PLOD1: variants seen among roughly 807,000 people sequenced by gnomAD.
The protein encoded by PLOD1 is lysine hydroxylase.
PLOD1 carries 70 observed loss-of-function variants against 94.7 expected under a neutral mutation model. That is an observed-to-expected ratio of 0.74 (90% CI 0.61 to 0.90). The LOEUF (loss-of-function observed/expected upper bound fraction) is 0.90. PLOD1 is among the 40% of genes least tolerant of loss of function. PLOD1 has a pLI of 0.00. For synonymous variants in PLOD1, 417 were observed against 400.2 expected, an observed-to-expected ratio of 1.04 and a Z score of -0.50; for missense variants, 905 against 972.7, an observed-to-expected ratio of 0.93 and a Z score of 0.93.
At chr1:11,949,995 G>T in intron 3 of PLOD1, 89 bp downstream of exon 3, 1 of 1,354,732 alleles carries the variant, frequency 7.4e-7, no homozygotes, top group Non-Finnish European at 1.1e-6. Flanking sequence ...CATCGGGGAA[G>T]AAGGGGGACC....
At chr1:11,964,852 T>G in intron 13 of PLOD1, 67 bp downstream of exon 13, 1 of 1,548,826 alleles carries the variant, frequency 6.5e-7, no homozygotes, top group Non-Finnish European at 8.9e-7. Flanking sequence ...GGCCTCCAGC[T>G]CTGACCCTCA....
chr1:11,945,946 T>C (rs1157866952), intron 1 of PLOD1, among the ~76,000 whole-genome samples: 1 of 152,108 alleles, frequency 6.6e-6, no homozygotes, highest in East Asian at 1.9e-4. Flanking sequence ...TGATCTCAAG[T>C]GATCTGCCTG....
At chr1:11,948,357 A>G (rs1645671741) in intron 2 of PLOD1, among the ~76,000 whole-genome samples, 1 of 152,156 alleles carries the variant, frequency 6.6e-6, no homozygotes. Context: ...GGGCCTCGGG[A>G]TCAGCATTTC....
Position 11,957,999 on chromosome 1 carries a change from ATGGCGAGATGGGTGATTC to A in PLOD1, c.843+60_843+77del. ...GACACGGGGGGCTCAGTCCCCTGAG[ATGGCGAGATGGGTGATTC>A]TGGAATAGACTCCATTGTCTTTGGT... On this transcript the variant is annotated intron_variant, in intron 8 of 18. Coordinates refer to ENST00000196061, the MANE Select transcript of PLOD1 (RefSeq NM_000302.4). The surrounding 1 kb of genome is among the most constrained non-coding windows in gnomAD (Gnocchi z 4.1). 1 of 1,069,446 alleles carries A rather than the reference ATGGCGAGATGGGTGATTC, an allele frequency of 9.4e-7. No homozygotes were observed. Among genetic ancestry groups the A allele is most frequent in the African/African-American group, 1.6e-5 (1 of 64,406 alleles). The allele number at this position is 1,069,446 out of a possible 1,614,324, so 66.2% of individuals were successfully genotyped here. A position where few individuals can be genotyped will look rare whatever the true frequency, so the allele number is the denominator to read the frequency against.
intron 11 of PLOD1, 146 bp from the exon 12 acceptor site, chr1:11,964,029 C>T (rs757837653): frequency 9.0e-5 from 79 of 879,940 alleles, no homozygotes; most frequent in African/African-American, 7.2e-4. Context: ...CCCGACACCC[C>T]GGCCAAGGCA....
intron 4 of PLOD1, 79 bp downstream of exon 4, chr1:11,950,599 C>T (rs1045736738): frequency 3.6e-5 from 48 of 1,333,492 alleles, no homozygotes; most frequent in Middle Eastern, 2.5e-4. Flanking sequence ...CCTTGTTTGA[C>T]GTGCAATCTG....
intron 4 of PLOD1, among the ~76,000 whole-genome samples, chr1:11,951,387 G>A (rs1156605210): frequency 2.0e-5 from 3 of 151,090 alleles, no homozygotes; most frequent in Admixed American, 1.3e-4. Flanking sequence ...CCAACATGGC[G>A]AAACCCCATC....
At chr1:11,954,465 G>A (rs1201160370) in intron 5 of PLOD1, 7 of 495,138 alleles carry the variant, frequency 1.4e-5, no homozygotes, top group Middle Eastern at 3.7e-4. Flanking sequence ...CAGCCTGGGT[G>A]ACAAGAGCGA....
chr1:11,959,744 A>C (rs1455965458), intron 9 of PLOD1, among the ~76,000 whole-genome samples: 1 of 148,206 alleles, frequency 6.7e-6, no homozygotes, highest in African/African-American at 2.5e-5. Flanking sequence ...CAGCCTCCCG[A>C]GTAGCTGGGA....
chr1:11,940,031 C>T (rs1403443025), intron 1 of PLOD1, among the ~76,000 whole-genome samples: 8 of 152,144 alleles, frequency 5.3e-5, no homozygotes, highest in Admixed American at 3.9e-4. Flanking sequence ...CCCCAAAGAC[C>T]GGGATTACAG....
intron 16 of PLOD1, 114 bp from the exon 17 acceptor site, chr1:11,970,556 A>G: frequency 1.1e-6 from 1 of 946,118 alleles, no homozygotes; most frequent in Non-Finnish European, 1.7e-6. Context: ...AAGCCTGTTC[A>G]GTTTTGTCAT....
rs2273289 is a variant in PLOD1 at position 11,958,233 on chromosome 1, T to C, written c.844-283T>C. ...ATCCCATGAACCTCATCCTCATTTA[T>C]GACTCACCTCGAACACCACGCCAGC... is the stretch of plus-strand genomic sequence containing the variant. On this transcript the variant is annotated intron_variant, in intron 8 of 18. Coordinates refer to ENST00000196061, the MANE Select transcript of PLOD1 (RefSeq NM_000302.4). The surrounding 1 kb of genome is among the most constrained non-coding windows in gnomAD (Gnocchi z 4.3). 0.25 allele frequency among the ~76,000 whole-genome samples: 37,331 copies of C among 151,644 alleles called. 6,472 individuals carry two copies. Among genetic ancestry groups the C allele is most frequent in the African/African-American group, 0.5 (20,448 of 41,222 alleles).
chr1:11,964,865 G>T (rs1469403605), intron 13 of PLOD1, 80 bp downstream of exon 13: 8 of 1,478,422 alleles, frequency 5.4e-6, no homozygotes, highest in African/African-American at 1.4e-5. Flanking sequence ...GACCCTCATG[G>T]TGGGCCGCCT....
intron 16 of PLOD1, among the ~76,000 whole-genome samples, chr1:11,968,878 G>A (rs1323133819): frequency 2.8e-5 from 4 of 143,890 alleles, no homozygotes; most frequent in Admixed American, 7.2e-5. Context: ...GCCTCGCTCT[G>A]TCGCCCAGGC....
intron 18 of PLOD1, among the ~76,000 whole-genome samples, chr1:11,974,136 G>A (rs796866137): frequency 5.3e-5 from 8 of 152,046 alleles, no homozygotes; most frequent in African/African-American, 1.9e-4. Flanking sequence ...AGTAAAGAGT[G>A]GAGGTGATGT....
chr1:11,974,905 C>A lies in PLOD1; in HGVS notation c.*97C>A. 1.7e-6 allele frequency: 2 copies of A among 1,200,240 alleles called. No homozygotes were observed. The highest frequency in any genetic ancestry group is 2.5e-6 in the Non-Finnish European group (2 of 803,110). 74.3% of individuals were successfully genotyped at this position (1,200,240 alleles called of 1,614,324 possible). ...GGGGTCCCAGGGAACCCAGTCCAGC[C>A]TCCTGGCTGTTGACTTCCCATTGCT... On this transcript the variant is annotated 3_prime_UTR_variant, in exon 19 of 19. Transcript: ENST00000196061.
At position 11,972,351 on chromosome 1, in the gene PLOD1, A is replaced by G. The variant is rs1645872104; in HGVS notation, c.1903-521A>G. ...ACTACAATCTCCGCCTCCCAGATTCAAGCGATTCTCCGGCCTCAGCCTCCC... is the reference window on the plus strand; with the variant it reads ...ACTACAATCTCCGCCTCCCAGATTCGAGCGATTCTCCGGCCTCAGCCTCCC... On this transcript the variant is annotated intron_variant, in intron 17 of 18. Coordinates refer to ENST00000196061, the MANE Select transcript of PLOD1 (RefSeq NM_000302.4). This position sits in a 1 kb window ranked among gnomAD's most constrained non-coding sequence, Gnocchi z 4.6. 1 of 159,426 alleles carries G rather than the reference A, an allele frequency of 6.3e-6. No individual in the cohort carries two copies. The highest frequency in any genetic ancestry group is 2.4e-5 in the African/African-American group (1 of 41,534). 9.9% of individuals were successfully genotyped at this position (159,426 alleles called of 1,614,324 possible). A position where few individuals can be genotyped will look rare whatever the true frequency, so the allele number is the denominator to read the frequency against.
intron 1 of PLOD1, among the ~76,000 whole-genome samples, chr1:11,946,458 G>A (rs1447193838): frequency 6.6e-6 from 1 of 152,212 alleles, no homozygotes; most frequent in African/African-American, 2.4e-5. Flanking sequence ...CCGACTCATT[G>A]GTTCTAAGAG....
chr1:11,960,057 C>T (rs990599116), intron 9 of PLOD1, among the ~76,000 whole-genome samples: 1 of 149,672 alleles, frequency 6.7e-6, no homozygotes, highest in Non-Finnish European at 1.5e-5. Flanking sequence ...GCAACCTCCG[C>T]CTCCCGGGTT....
Sources: gnomAD v4.1 joint callset for allele counts (sites outside exome capture counted in the v4.1 genomes callset) on GRCh38, gnomAD v4.1.1 for gene constraint, Gnocchi (gnomAD v3.1) non-coding constraint, MANE v1.5 for transcripts, NCBI Gene and HGNC (gene_info 2026-07-23, HGNC 2026-07-21) for gene names.